Variants in FOXP2 observed in about 807,000 individuals in gnomAD.
FOXP2 encodes the protein forkhead box P2.
In FOXP2, 12 loss-of-function variants were observed where a neutral mutation model predicts 115.8. The observed-to-expected ratio is 0.10, with a 90% CI of 0.07 to 0.17. The LOEUF (loss-of-function observed/expected upper bound fraction) is 0.17. Among genes scored for constraint, FOXP2 ranks in the 10% least tolerant of loss-of-function variants. The pLI is 1.00. For synonymous variants in FOXP2, 328 were observed against 297.7 expected (o/e 1.10, Z -1.05); for missense variants, 629 against 843.5 (o/e 0.75, Z 3.15).
chr7:114,299,939 C>T (rs1796837322), intron 2 of FOXP2, among the ~76,000 whole-genome samples: 1 of 152,064 alleles, frequency 6.6e-6, no homozygotes, highest in Non-Finnish European at 1.5e-5. Flanking sequence ...CTCATTTACA[C>T]TTTCAGGTTG....
At chr7:114,572,010 C>A (rs1396762315) in intron 3 of FOXP2, among the ~76,000 whole-genome samples, 2 of 151,642 alleles carry the variant, frequency 1.3e-5, no homozygotes, top group Non-Finnish European at 3.0e-5. Context: ...AATTGGCGAA[C>A]AACAACAAAA....
rs146169618 is a variant in FOXP2 at position 114,355,388 on chromosome 7, G to C, written c.-11+67279G>C. Among the ~76,000 whole-genome samples, 72 of 152,106 alleles carry C rather than the reference G, an allele frequency of 4.7e-4. 1 individual carries two copies. The highest frequency in any genetic ancestry group is 9.3e-4 in the Non-Finnish European group (63 of 68,010). On this transcript the variant is annotated intron_variant, in intron 2 of 17. Coordinates refer to the FOXP2 transcript ENST00000634411. ...TTGGCTTAGAGTGTGTTCTATAAAG[G>C]TACCAGAATATGCAGTAACCATATC...
At chr7:114,643,120 T>C (rs1187844456) in intron 7 of FOXP2, among the ~76,000 whole-genome samples, 1 of 151,938 alleles carries the variant, frequency 6.6e-6, no homozygotes, top group Non-Finnish European at 1.5e-5. Flanking sequence ...CTATATTCTT[T>C]ATATTACAGA....
intron 2 of FOXP2, among the ~76,000 whole-genome samples, chr7:114,507,412 A>G (rs1797873052): frequency 6.6e-6 from 1 of 151,964 alleles, no homozygotes; most frequent in South Asian, 2.1e-4. Flanking sequence ...TATTGTGTAC[A>G]TAGAGTGATG....
intron 2 of FOXP2, among the ~76,000 whole-genome samples, chr7:114,335,664 G>A (rs1797835631): frequency 6.6e-6 from 1 of 151,792 alleles, no homozygotes; most frequent in Non-Finnish European, 1.5e-5. Context: ...AAGGGATCAA[G>A]CACAATTTTA....
At chr7:114,249,800 TG>T (rs1286032886) in intron 1 of FOXP2, among the ~76,000 whole-genome samples, 3 of 152,076 alleles carry the variant, frequency 2.0e-5, no homozygotes, top group Non-Finnish European at 2.9e-5. Context: ...TTTGTTTTTT[TG>T]TTTTTGTTTC....
intron 1 of FOXP2, among the ~76,000 whole-genome samples, chr7:114,243,273 A>T (rs1795198718): frequency 6.6e-6 from 1 of 152,014 alleles, no homozygotes; most frequent in African/African-American, 2.4e-5. Flanking sequence ...AAAAAAAAAA[A>T]AAAAAACAAG....
intron 1 of FOXP2, among the ~76,000 whole-genome samples, chr7:114,272,563 C>T (rs973867605): frequency 6.6e-6 from 1 of 151,824 alleles, no homozygotes; most frequent in African/African-American, 2.4e-5. Flanking sequence ...CTTTAATAGA[C>T]ATAGGCCTAT....
intron 2 of FOXP2, among the ~76,000 whole-genome samples, chr7:114,329,648 ATTTATTTATTTATTTAT>A (rs1797646165): frequency 2.1e-4 from 1 of 4,728 alleles, no homozygotes; most frequent in African/African-American, 4.7e-4. Context: ...TGTAAGTTTT[ATTTATTTATTTATTTAT>A]TTATTTATTT....
intron 3 of FOXP2, among the ~76,000 whole-genome samples, chr7:114,611,041 A>T (rs980957531): frequency 1.3e-5 from 2 of 152,214 alleles, no homozygotes; most frequent in African/African-American, 4.8e-5. Flanking sequence ...TGTGTAAGAC[A>T]TAAGAAATAT....
intron 3 of FOXP2, among the ~76,000 whole-genome samples, chr7:114,547,573 C>A (rs538111804): frequency 6.6e-6 from 1 of 151,994 alleles, no homozygotes; most frequent in African/African-American, 2.4e-5. Context: ...CTGAATAACA[C>A]GGTGAAACCC....
intron 1 of FOXP2, among the ~76,000 whole-genome samples, chr7:114,239,928 G>A (rs1289860516): frequency 1.3e-5 from 2 of 152,012 alleles, no homozygotes; most frequent in Non-Finnish European, 2.9e-5. Context: ...TATATGGCAC[G>A]CCTGATTTGG....
intron 2 of FOXP2, among the ~76,000 whole-genome samples, chr7:114,389,521 A>C (rs1308451827): frequency 6.6e-6 from 1 of 152,234 alleles, no homozygotes; most frequent in African/African-American, 2.4e-5. Flanking sequence ...CTCCAAAAAG[A>C]GAACTTACAT....
At chr7:114,286,020 A>G (rs1174783379) in intron 1 of FOXP2, among the ~76,000 whole-genome samples, 1 of 151,944 alleles carries the variant, frequency 6.6e-6, no homozygotes, top group Non-Finnish European at 1.5e-5. Flanking sequence ...TGTCTCAAAA[A>G]TATTTGCCTA....
At chr7:114,558,778 A>G (rs1800598174) in intron 3 of FOXP2, among the ~76,000 whole-genome samples, 1 of 152,102 alleles carries the variant, frequency 6.6e-6, no homozygotes, top group African/African-American at 2.4e-5. Flanking sequence ...TACGTCTGTC[A>G]TAGTATAATA....
intron 2 of FOXP2, among the ~76,000 whole-genome samples, chr7:114,380,946 A>G (rs1408867593): frequency 6.6e-6 from 1 of 152,208 alleles, no homozygotes; most frequent in Non-Finnish European, 1.5e-5. Flanking sequence ...TGTGACATAT[A>G]AAGAAAAGTC....
chr7:114,575,177 G>C (rs980755780), intron 3 of FOXP2, among the ~76,000 whole-genome samples: 3 of 151,722 alleles, frequency 2.0e-5, no homozygotes, highest in African/African-American at 7.3e-5. Context: ...TCTTAACTTT[G>C]CTTTGCTTCA....
chr7:114,475,792 G>C (rs1439093832), intron 2 of FOXP2, among the ~76,000 whole-genome samples: 3 of 151,392 alleles, frequency 2.0e-5, no homozygotes, highest in Admixed American at 6.6e-5. Context: ...CAGGTACCCC[G>C]TTTCTAATTT....
intron 1 of FOXP2, among the ~76,000 whole-genome samples, chr7:114,163,273 C>T (rs1406600734): frequency 4.0e-5 from 6 of 151,898 alleles, no homozygotes; most frequent in Non-Finnish European, 7.4e-5. Context: ...AAAATGATAC[C>T]TTACAATAAT....
Sources: allele counts gnomAD v4.1 joint callset (sites outside exome capture counted in the v4.1 genomes callset), GRCh38; gene constraint gnomAD v4.1.1; transcripts MANE v1.5; gene names NCBI Gene and HGNC (gene_info 2026-07-23, HGNC 2026-07-21).